The following KLHL15 variants were observed in gnomAD, a reference collection of about 807,000 sequenced individuals.
The protein encoded by KLHL15 is kelch like family member 15.
A neutral mutation model predicts 29.3 loss-of-function variants in KLHL15; 1 was observed. The ratio of observed to expected loss-of-function variants is 0.03; its 90% CI spans 0.01 to 0.16. The LOEUF (loss-of-function observed/expected upper bound fraction) is 0.16. Ranked by LOEUF, KLHL15 falls within the 10% of genes least tolerant of loss-of-function variation. The pLI is 1.00. For missense variants in KLHL15, 215 were observed against 478.5 expected (o/e 0.45, Z 5.14); for synonymous variants, 212 against 184.5 (o/e 1.15, Z -1.21).
At chrX:23,993,820 G>A (rs1297116114) in intron 3 of KLHL15, among the ~76,000 whole-genome samples, 1 of 109,708 alleles carries the variant, frequency 9.1e-6, no homozygotes, top group Non-Finnish European at 1.9e-5. Flanking sequence ...CTTGAGCTCA[G>A]GAGTTTGAGA....
In KLHL15 at chrX:24,006,199, G is replaced by T; in HGVS notation, c.495C>A (p.Leu165=). The part of the protein sequence containing the change: ...DTFLLDNFVP[L]MSRPDFLSYL... ...AGGACAGAAAGTCAGGCCTAGACAT[G>T]AGTGGCACAAAGTTGTCTAGCAGAA... The change falls in exon 3 of 4, where the codon CTC becomes CTA. Residue 165 remains leucine, a synonymous_variant. Coordinates refer to ENST00000328046, the MANE Select transcript of KLHL15 (RefSeq NM_030624.3). 8.3e-7 allele frequency: 1 copy of T among 1,211,479 alleles called. No individual in the cohort carries two copies. The highest frequency in any genetic ancestry group is 3.0e-5 in the East Asian group (1 of 33,842).
chrX:24,011,381 G>A (rs970685336), intron 2 of KLHL15, among the ~76,000 whole-genome samples: 5 of 105,567 alleles, frequency 4.7e-5, no homozygotes, highest in Middle Eastern at 4.4e-3. Flanking sequence ...CGTGGCTCAC[G>A]CCTGTGAGCC....
intron 3 of KLHL15, among the ~76,000 whole-genome samples, chrX:23,995,094 A>C (rs184811865): frequency 1.8e-5 from 2 of 111,894 alleles, no homozygotes; most frequent in South Asian, 3.7e-4. Context: ...GTTCCTGTAA[A>C]TATGTATACA....
intron 3 of KLHL15, among the ~76,000 whole-genome samples, chrX:23,994,664 C>A (rs1929150379): frequency 8.9e-6 from 1 of 111,891 alleles, no homozygotes; most frequent in African/African-American, 3.2e-5. Context: ...GAATTACTTT[C>A]CTTTGCCTTT....
intron 3 of KLHL15, among the ~76,000 whole-genome samples, chrX:24,004,468 G>A (rs1404870570): frequency 3.6e-5 from 4 of 112,165 alleles, no homozygotes; most frequent in Non-Finnish European, 1.9e-5. Flanking sequence ...AATTGATGTG[G>A]GGCTGATTAT....
At chrX:23,994,228 T>G (rs776814679) in intron 3 of KLHL15, among the ~76,000 whole-genome samples, 4 of 111,375 alleles carry the variant, frequency 3.6e-5, no homozygotes, top group African/African-American at 1.3e-4. Flanking sequence ...GAGGAATGTT[T>G]CAACACAAGA....
At chrX:23,990,916 AC>A (rs1425527980) in intron 3 of KLHL15, among the ~76,000 whole-genome samples, 1 of 111,410 alleles carries the variant, frequency 9.0e-6, no homozygotes, top group Non-Finnish European at 1.9e-5. Context: ...ATTCAGTATA[AC>A]TGGTTTCCTT....
rs1047304253 is a variant in KLHL15, at chrX:23,983,907, C to G, written c.*4014G>C. 9.0e-6 allele frequency: 1 copy of G among 111,231 alleles called. No homozygotes were observed. The highest frequency in any genetic ancestry group is 1.9e-5 in the Non-Finnish European group (1 of 53,029). The allele number at this position is 111,231 out of a possible 1,213,427, so 9.2% of individuals were successfully genotyped here. On this transcript the variant is annotated 3_prime_UTR_variant, in exon 4 of 4. Transcript: ENST00000328046. ...TATAAAAGGCAAACCTTAAATTATT[C>G]TAAGATTTTTATATCGGCCCTAGGA...
At chrX:24,003,752 G>A (rs1198919209) in intron 3 of KLHL15, among the ~76,000 whole-genome samples, 1 of 105,368 alleles carries the variant, frequency 9.5e-6, no homozygotes, top group African/African-American at 3.5e-5. Flanking sequence ...TGGAAGCCTT[G>A]GCCTCTTCGA....
At chrX:23,991,079 ACGGTGGCTCATGCC>A (rs1241138505) in intron 3 of KLHL15, among the ~76,000 whole-genome samples, 1 of 110,075 alleles carries the variant, frequency 9.1e-6, no homozygotes, top group Non-Finnish European at 1.9e-5. Context: ...TTGGCCAGGC[ACGGTGGCTCATGCC>A]TGTAATCTCA....
intron 2 of KLHL15, among the ~76,000 whole-genome samples, chrX:24,016,826 A>T (rs1929696473): frequency 9.0e-6 from 1 of 111,272 alleles, no homozygotes; most frequent in South Asian, 3.7e-4. Context: ...TGGTACTACT[A>T]CAGCCAAAAT....
rs1928981352 is a variant in KLHL15, at chrX:23,986,166, G to T, written c.*1755C>A. 1 of 110,959 alleles carries T rather than the reference G, an allele frequency of 9.0e-6. No homozygotes were observed. 9.1% of individuals were successfully genotyped at this position (110,959 alleles called of 1,213,427 possible). A position where few individuals can be genotyped will look rare whatever the true frequency, so the allele number is the denominator to read the frequency against. On this transcript the variant is annotated 3_prime_UTR_variant, in exon 4 of 4. Coordinates refer to ENST00000328046, the MANE Select transcript of KLHL15 (RefSeq NM_030624.3). Reference sequence around the variant, plus strand: ...AATGCCTCCAATTCTGGAGTTTGAAGATCAGGTTTAATCTCATAGTATGTC... The same window carrying T: ...AATGCCTCCAATTCTGGAGTTTGAATATCAGGTTTAATCTCATAGTATGTC...
At chrX:24,008,944 G>A (rs1929516250) in intron 2 of KLHL15, among the ~76,000 whole-genome samples, 1 of 109,136 alleles carries the variant, frequency 9.2e-6, no homozygotes, top group Admixed American at 9.8e-5. Flanking sequence ...CTTTCTCTTA[G>A]CTTTCTATTG....
intron 3 of KLHL15, among the ~76,000 whole-genome samples, chrX:23,995,158 A>G (rs1929160586): frequency 8.9e-6 from 1 of 112,086 alleles, no homozygotes; most frequent in African/African-American, 3.2e-5. Context: ...AGTTGGAGAA[A>G]TAACTAGCCA....
chrX:23,993,349 C>T (rs1192361260), intron 3 of KLHL15, among the ~76,000 whole-genome samples: 1 of 110,903 alleles, frequency 9.0e-6, no homozygotes, highest in African/African-American at 3.3e-5. Context: ...TGAAAAATAG[C>T]CCACCAAAAC....
intron 2 of KLHL15, among the ~76,000 whole-genome samples, chrX:24,022,169 T>C (rs1014359167): frequency 9.2e-6 from 1 of 108,961 alleles, no homozygotes; most frequent in Admixed American, 9.9e-5. Context: ...ACCCCGTGTC[T>C]ACTAAAAATA....
chrX:24,001,815 AAAAAAAAAAAAAG>A (rs1929325214), intron 3 of KLHL15, among the ~76,000 whole-genome samples: 1 of 102,976 alleles, frequency 9.7e-6, no homozygotes, highest in Admixed American at 1.1e-4. Context: ...AAAAAAAAAA[AAAAAAAAAAAAAG>A]AAGAAGAAAA....
intron 2 of KLHL15, among the ~76,000 whole-genome samples, chrX:24,022,722 GT>G (rs530143102): frequency 3.8e-4 from 38 of 99,718 alleles, no homozygotes; most frequent in East Asian, 1.2e-3. Context: ...CTGTTTCGCG[GT>G]TTTTTTTTTT....
chrX:23,995,485 T>TTA (rs61200454), intron 3 of KLHL15, among the ~76,000 whole-genome samples: 3 of 110,355 alleles, frequency 2.7e-5, no homozygotes, highest in Admixed American at 1.9e-4. Context: ...CATTTTTTTT[T>TTA]AATTCCAGAT....
Sources: allele counts gnomAD v4.1 joint callset (sites outside exome capture counted in the v4.1 genomes callset), GRCh38; gene constraint gnomAD v4.1.1; transcripts MANE v1.5; gene names NCBI Gene and HGNC (gene_info 2026-07-23, HGNC 2026-07-21).